The following ST6GALNAC3 variants were observed in gnomAD, a reference collection of about 807,000 sequenced individuals.
The protein encoded by ST6GALNAC3 is alpha-N-acetylgalactosaminide alpha-2,6-sialyltransferase 3.
In ST6GALNAC3, 25 loss-of-function variants were observed where a neutral mutation model predicts 32.7. The ratio of observed to expected loss-of-function variants is 0.76; its 90% CI spans 0.56 to 1.07. ST6GALNAC3 has a LOEUF of 1.07. Ranked by LOEUF, ST6GALNAC3 falls within the 50% of genes least tolerant of loss-of-function variation. ST6GALNAC3 has a pLI of 0.00. For synonymous variants in ST6GALNAC3, 129 were observed against 133.1 expected (o/e 0.97, Z 0.21); for missense variants, 355 against 382.4 (o/e 0.93, Z 0.60).
At chr1:76,568,723 G>A (rs1665695700) in intron 3 of ST6GALNAC3, among the ~76,000 whole-genome samples, 1 of 152,094 alleles carries the variant, frequency 6.6e-6, no homozygotes, top group Non-Finnish European at 1.5e-5. Flanking sequence ...TCGTGTCCAG[G>A]TGCATTAATG....
intron 3 of ST6GALNAC3, among the ~76,000 whole-genome samples, chr1:76,508,209 C>T (rs1661598328): frequency 6.6e-6 from 1 of 152,110 alleles, no homozygotes; most frequent in Non-Finnish European, 1.5e-5. Context: ...AAGGAGTGCA[C>T]AACCTAGATC....
chr1:76,465,746 G>A (rs1365044729), intron 3 of ST6GALNAC3, among the ~76,000 whole-genome samples: 1 of 151,878 alleles, frequency 6.6e-6, no homozygotes. Flanking sequence ...AGATTTTCCT[G>A]TTGGTGAGGG....
chr1:76,383,468 G>A (rs1651872491), intron 2 of ST6GALNAC3, among the ~76,000 whole-genome samples: 1 of 147,686 alleles, frequency 6.8e-6, no homozygotes, highest in Non-Finnish European at 1.5e-5. Context: ...GTAGAGGCAG[G>A]GTCTCTCTAT....
intron 3 of ST6GALNAC3, among the ~76,000 whole-genome samples, chr1:76,421,759 C>T (rs1047962059): frequency 2.0e-5 from 3 of 151,912 alleles, no homozygotes; most frequent in African/African-American, 7.2e-5. Flanking sequence ...CAACCAACTG[C>T]ATAAATGAAG....
At chr1:76,107,781 T>C (rs1647638960) in intron 1 of ST6GALNAC3, among the ~76,000 whole-genome samples, 1 of 151,856 alleles carries the variant, frequency 6.6e-6, no homozygotes, top group Non-Finnish European at 1.5e-5. Context: ...TGGAAGCTTC[T>C]ATGGCAGATC....
At chr1:76,195,304 C>T (rs544761320) in intron 1 of ST6GALNAC3, among the ~76,000 whole-genome samples, 1 of 152,238 alleles carries the variant, frequency 6.6e-6, no homozygotes, top group South Asian at 2.1e-4. Flanking sequence ...ATGAAAAAAG[C>T]AATTATTTGA....
chr1:76,213,554 A>G (rs1210580879), intron 1 of ST6GALNAC3, among the ~76,000 whole-genome samples: 3 of 152,240 alleles, frequency 2.0e-5, no homozygotes, highest in Non-Finnish European at 4.4e-5. Context: ...TACTGCAATC[A>G]AAGTACCTAT....
At chr1:76,614,150 A>G (rs570579490) in intron 3 of ST6GALNAC3, among the ~76,000 whole-genome samples, 2 of 152,342 alleles carry the variant, frequency 1.3e-5, no homozygotes, top group Non-Finnish European at 1.5e-5. Flanking sequence ...GTTGACTTCG[A>G]TAGATGGGGC....
intron 3 of ST6GALNAC3, among the ~76,000 whole-genome samples, chr1:76,624,143 G>A (rs1286212125): frequency 1.3e-5 from 2 of 151,910 alleles, no homozygotes; most frequent in Non-Finnish European, 2.9e-5. Context: ...TGGGCAGTAT[G>A]AGCCTCCCCC....
At chr1:76,438,100 A>G (rs1656285901) in intron 3 of ST6GALNAC3, among the ~76,000 whole-genome samples, 3 of 151,904 alleles carry the variant, frequency 2.0e-5, no homozygotes, top group African/African-American at 7.3e-5. Flanking sequence ...AAGATGATCG[A>G]TCTTCTACAT....
chr1:76,143,146 G>A (rs1650439371), intron 1 of ST6GALNAC3, among the ~76,000 whole-genome samples: 1 of 152,082 alleles, frequency 6.6e-6, no homozygotes, highest in South Asian at 2.1e-4. Flanking sequence ...ACCTATTTTT[G>A]TACTTAATGA....
chr1:76,147,608 G>A (rs781416535), intron 1 of ST6GALNAC3, among the ~76,000 whole-genome samples: 19 of 152,122 alleles, frequency 1.2e-4, no homozygotes, highest in East Asian at 3.9e-4. Context: ...TTTGTTTGTC[G>A]TCTATTTTAC....
At chr1:76,592,010 G>C (rs1459738431) in intron 3 of ST6GALNAC3, among the ~76,000 whole-genome samples, 4 of 152,180 alleles carry the variant, frequency 2.6e-5, no homozygotes, top group Admixed American at 6.5e-5. Context: ...GAAGTGGCCA[G>C]AAATGTAAAG....
chr1:76,543,431 G>A (rs1664110682), intron 3 of ST6GALNAC3, among the ~76,000 whole-genome samples: 2 of 152,204 alleles, frequency 1.3e-5, no homozygotes, highest in South Asian at 4.1e-4. Context: ...TGTAGAGCCA[G>A]TTGGTGTATG....
chr1:76,193,392 C>T (rs1570387673), intron 1 of ST6GALNAC3, among the ~76,000 whole-genome samples: 1 of 152,042 alleles, frequency 6.6e-6, no homozygotes, highest in Admixed American at 6.6e-5. Context: ...AGCTAATTAC[C>T]ATAAGTACCA....
chr1:76,097,585 A>T (rs1354615850), intron 1 of ST6GALNAC3, among the ~76,000 whole-genome samples: 1 of 152,208 alleles, frequency 6.6e-6, no homozygotes, highest in East Asian at 1.9e-4. Flanking sequence ...AGTCTTGGGT[A>T]TGTCTTTATT....
chr1:76,556,511 G>A (rs1664933966), intron 3 of ST6GALNAC3, among the ~76,000 whole-genome samples: 1 of 151,936 alleles, frequency 6.6e-6, no homozygotes, highest in African/African-American at 2.4e-5. Flanking sequence ...CAGTTTATGA[G>A]GGTTCTGATT....
chr1:76,433,140 G>A lies in ST6GALNAC3; in HGVS notation c.623+20723G>A, dbSNP rs191347032. 2.0e-5 allele frequency among the ~76,000 whole-genome samples: 3 copies of A among 152,086 alleles called. No homozygotes were observed. In the East Asian group the frequency reaches 5.8e-4, roughly 29 times the overall value. ...ACTTTTTAGTGCCATCGTTTTTTGAGACAGCCTGATTTGATCACTGTCTTT... is the reference window on the plus strand; with the variant it reads ...ACTTTTTAGTGCCATCGTTTTTTGAAACAGCCTGATTTGATCACTGTCTTT... On this transcript the variant is annotated intron_variant, in intron 3 of 4. Transcript: ENST00000328299.
At chr1:76,123,290 A>G (rs922236594) in intron 1 of ST6GALNAC3, among the ~76,000 whole-genome samples, 1 of 151,784 alleles carries the variant, frequency 6.6e-6, no homozygotes, top group East Asian at 1.9e-4. Context: ...GAGACAGCAG[A>G]ATTGCTTGGA....
Sources: gnomAD v4.1 joint callset for allele counts (sites outside exome capture counted in the v4.1 genomes callset) on GRCh38, gnomAD v4.1.1 for gene constraint, MANE v1.5 for transcripts, NCBI Gene and HGNC (gene_info 2026-07-23, HGNC 2026-07-21) for gene names.